The following DESI2 variants were observed in gnomAD, a reference collection of about 807,000 sequenced individuals.
The protein encoded by DESI2 is desumoylating isopeptidase 2.
In DESI2, 10 loss-of-function variants were observed where a neutral mutation model predicts 24.1. The observed-to-expected ratio is 0.41, with a 90% CI of 0.26 to 0.70. The LOEUF (loss-of-function observed/expected upper bound fraction) is 0.70. Ranked by LOEUF, DESI2 falls within the 30% of genes least tolerant of loss-of-function variation. The pLI is 0.29. For missense variants in DESI2, 122 were observed against 234.9 expected (o/e 0.52, Z 3.14); for synonymous variants, 71 against 87.7 (o/e 0.81, Z 1.06).
At chr1:244,683,952 G>A (rs971859571) in intron 1 of DESI2, among the ~76,000 whole-genome samples, 21 of 150,316 alleles carry the variant, frequency 1.4e-4, no homozygotes, top group Admixed American at 2.0e-4. Flanking sequence ...CTGTCCTCCC[G>A]CCTCAACCTC....
chr1:244,692,064 C>CTATCCCACTATACTTGA (rs750726311), intron 4 of DESI2, 44 bp downstream of exon 4: 4 of 1,487,014 alleles, frequency 2.7e-6, no homozygotes, highest in Admixed American at 2.2e-5. Context: ...TAAATATTTG[C>CTATCCCACTATACTTGA]TATCCCACTA....
intron 4 of DESI2, among the ~76,000 whole-genome samples, chr1:244,701,230 C>T (rs1169306355): frequency 1.8e-4 from 13 of 72,132 alleles, no homozygotes; most frequent in Non-Finnish European, 3.0e-4. Context: ...CCCCCCCCCC[C>T]CCCCGCCCTT....
intron 1 of DESI2, among the ~76,000 whole-genome samples, chr1:244,661,662 T>C (rs1334943692): frequency 6.6e-6 from 1 of 152,082 alleles, no homozygotes; most frequent in Non-Finnish European, 1.5e-5. Flanking sequence ...ATGCGGTGTT[T>C]GGTTTTTTGT....
At chr1:244,662,224 A>G (rs1209987221) in intron 1 of DESI2, among the ~76,000 whole-genome samples, 1 of 152,100 alleles carries the variant, frequency 6.6e-6, no homozygotes, top group Non-Finnish European at 1.5e-5. Context: ...GTGTCTGTTC[A>G]TGTCCTTTGC....
At chr1:244,699,961 C>T (rs781758247) in intron 4 of DESI2, among the ~76,000 whole-genome samples, 28 of 152,238 alleles carry the variant, frequency 1.8e-4, no homozygotes, top group Non-Finnish European at 3.7e-4. Context: ...CACGGAACAC[C>T]TCCAGATGTC....
At chr1:244,678,775 G>A (rs534338773) in intron 1 of DESI2, among the ~76,000 whole-genome samples, 6 of 152,320 alleles carry the variant, frequency 3.9e-5, no homozygotes, top group African/African-American at 1.4e-4. Flanking sequence ...AAAAGAAGCT[G>A]TGCTGCAAGA....
intron 1 of DESI2, among the ~76,000 whole-genome samples, chr1:244,662,387 G>T (rs1266719717): frequency 6.6e-6 from 1 of 152,042 alleles, no homozygotes; most frequent in Non-Finnish European, 1.5e-5. Flanking sequence ...TCCTGCTTTC[G>T]ATTTTTTTGG....
chr1:244,672,880 A>G (rs1444091698), intron 1 of DESI2, among the ~76,000 whole-genome samples: 1 of 150,614 alleles, frequency 6.6e-6, no homozygotes, highest in East Asian at 1.9e-4. Context: ...GTCTGTAATA[A>G]TAATAATAAT....
intron 4 of DESI2, among the ~76,000 whole-genome samples, chr1:244,705,050 TA>T (rs1340521189): frequency 6.6e-6 from 1 of 151,790 alleles, no homozygotes; most frequent in Non-Finnish European, 1.5e-5. Context: ...GGGAGAGAAG[TA>T]AAGGGGTAAA....
intron 2 of DESI2, among the ~76,000 whole-genome samples, chr1:244,687,851 T>C (rs1377881084): frequency 6.6e-6 from 1 of 152,234 alleles, no homozygotes; most frequent in African/African-American, 2.4e-5. Flanking sequence ...TTTTGCCAAA[T>C]TTGCATGTGT....
intron 4 of DESI2, among the ~76,000 whole-genome samples, chr1:244,695,249 T>C (rs972823164): frequency 4.6e-5 from 7 of 152,198 alleles, no homozygotes; most frequent in Admixed American, 6.5e-5. Flanking sequence ...AAAGCAGCCA[T>C]GTTTTACAGC....
At chr1:244,653,738 C>A in intron 1 of DESI2, 1 of 349,542 alleles carries the variant, frequency 2.9e-6, no homozygotes, top group Non-Finnish European at 5.4e-6. Context: ...CCGTCCCGAC[C>A]GCCTGCGCTC....
At chr1:244,696,772 CTCA>C (rs1178521013) in intron 4 of DESI2, among the ~76,000 whole-genome samples, 1 of 152,210 alleles carries the variant, frequency 6.6e-6, no homozygotes, top group Admixed American at 6.5e-5. Context: ...CTGTAAGGTT[CTCA>C]TCATTCCCAG....
chr1:244,674,406 T>A (rs1676348347), intron 1 of DESI2, among the ~76,000 whole-genome samples: 2 of 151,446 alleles, frequency 1.3e-5, no homozygotes, highest in African/African-American at 4.9e-5. Flanking sequence ...AAATGTACAA[T>A]TCAGTGAATT....
At chr1:244,691,753 C>A in intron 3 of DESI2, 126 bp from the exon 4 acceptor site, 1 of 726,066 alleles carries the variant, frequency 1.4e-6, no homozygotes, top group Admixed American at 3.8e-5. Flanking sequence ...TTATATTAAC[C>A]CTGATTTGTT....
chr1:244,662,367 T>C (rs932787033), intron 1 of DESI2, among the ~76,000 whole-genome samples: 1 of 152,206 alleles, frequency 6.6e-6, no homozygotes, highest in Non-Finnish European at 1.5e-5. Flanking sequence ...AATAAAAATG[T>C]CTATTCAAGT....
rs373367294 is a variant in DESI2 at position 244,705,642 on chromosome 1, G to A, written c.438G>A (p.Pro146=). 27 of 1,614,034 alleles carry A rather than the reference G, an allele frequency of 1.7e-5. No individual in the cohort carries two copies. Among genetic ancestry groups the A allele is most frequent in the East Asian group, 1.6e-4 (7 of 44,888 alleles). Residue 146 remains proline, a synonymous_variant, in exon 5 of 5, where the codon CCG becomes CCA. Coordinates refer to ENST00000302550, the MANE Select transcript of DESI2 (RefSeq NM_016076.5). ...SCIPFLQSCL[P]KEWLTPAALQ... ...TACCCTTTCTACAGAGTTGCCTCCCGAAGGAGTGGCTCACGCCCGCAGCCC... is the reference window on the plus strand; with the variant it reads ...TACCCTTTCTACAGAGTTGCCTCCCAAAGGAGTGGCTCACGCCCGCAGCCC...
chr1:244,698,539 A>C (rs1677307284), intron 4 of DESI2, among the ~76,000 whole-genome samples: 2 of 152,218 alleles, frequency 1.3e-5, no homozygotes, highest in Admixed American at 1.3e-4. Flanking sequence ...TCTCAGCTTT[A>C]CTGCTGCCAA....
intron 1 of DESI2, among the ~76,000 whole-genome samples, chr1:244,681,052 C>G: frequency 6.6e-6 from 1 of 151,374 alleles, no homozygotes; most frequent in East Asian, 1.9e-4. Context: ...CACCTTTTCC[C>G]ATGGTTGACT....
Sources: gnomAD v4.1 joint callset for allele counts (sites outside exome capture counted in the v4.1 genomes callset) on GRCh38, gnomAD v4.1.1 for gene constraint, MANE v1.5 for transcripts, NCBI Gene and HGNC (gene_info 2026-07-23, HGNC 2026-07-21) for gene names.